Variants in TKT observed in about 807,000 individuals in gnomAD.
The protein encoded by TKT is epididymis luminal protein 107.
Under a neutral mutation model 63.9 loss-of-function variants are expected in TKT, and 47 were observed. The observed-to-expected ratio is 0.74, with a 90% confidence interval of 0.58 to 0.94. The LOEUF (loss-of-function observed/expected upper bound fraction) is 0.94. TKT is among the 40% of genes least tolerant of loss of function. The probability of loss-of-function intolerance (pLI) is 0.00; values close to 1 mark genes in which losing one functional copy is unlikely to be tolerated. For missense variants in TKT, 721 were observed against 846.2 expected (o/e 0.85, Z 1.84); for synonymous variants, 338 against 334.1 (o/e 1.01, Z -0.13).
intron 2 of TKT, chr3:53,241,775 T>G: frequency 3.1e-6 from 1 of 325,394 alleles, no homozygotes; most frequent in South Asian, 3.0e-5. Context: ...ATAGAGCAGG[T>G]AGGGAGCCAC....
At chr3:53,241,744 G>A (rs1447086949) in intron 2 of TKT, among the ~76,000 whole-genome samples, 10 of 152,190 alleles carry the variant, frequency 6.6e-5, no homozygotes, top group Admixed American at 5.2e-4. Context: ...CCGTGGCCTC[G>A]GGAGCGCTGG....
intron 1 of TKT, among the ~76,000 whole-genome samples, chr3:53,248,466 C>G (rs1241473505): frequency 6.6e-6 from 1 of 152,138 alleles, no homozygotes; most frequent in Non-Finnish European, 1.5e-5. Flanking sequence ...TACCCTGTCT[C>G]TACAAATAAT....
chr3:53,234,935 C>G, intron 5 of TKT, 48 bp downstream of exon 5: 1 of 1,538,424 alleles, frequency 6.5e-7, no homozygotes, highest in Non-Finnish European at 8.8e-7. Context: ...TGATCACAGA[C>G]CACTCTCCCG....
intron 2 of TKT, 67 bp from the exon 3 acceptor site, chr3:53,241,312 T>C (rs1481540970): frequency 6.4e-6 from 9 of 1,408,886 alleles, no homozygotes; most frequent in Non-Finnish European, 8.6e-6. Context: ...TGTGCCTACT[T>C]CACACTGACC....
intron 4 of TKT, 138 bp downstream of exon 4, chr3:53,240,113 G>T: frequency 1.3e-6 from 1 of 746,288 alleles, no homozygotes; most frequent in Non-Finnish European, 2.1e-6. Context: ...TGTTTAAAGA[G>T]CAAAAGAGGC....
chr3:53,227,070 C>G (rs782010171), intron 12 of TKT, 192 bp from the exon 13 acceptor site: 15 of 633,690 alleles, frequency 2.4e-5, no homozygotes, highest in Non-Finnish European at 3.9e-5. Flanking sequence ...ACCCCTTGCA[C>G]TGGGGCATCT....
Position 53,225,699 on chromosome 3 carries a change from C to T in TKT, c.*57G>A. Reference sequence around the variant, plus strand: ...CCCCTCCTCTCAGTACATCTTTGAGCACCTTTCCCAGAATCTCAGGAATGT... The same window carrying T: ...CCCCTCCTCTCAGTACATCTTTGAGTACCTTTCCCAGAATCTCAGGAATGT... On this transcript the variant is annotated 3_prime_UTR_variant, in exon 14 of 14. Transcript: ENST00000462138. 1 of 1,506,670 alleles carries T rather than the reference C, an allele frequency of 6.6e-7. No individual in the cohort carries two copies. Among genetic ancestry groups the T allele is most frequent in the South Asian group, 1.3e-5 (1 of 76,490 alleles). 93.3% of individuals were successfully genotyped at this position (1,506,670 alleles called of 1,614,324 possible).
Position 53,229,454 on chromosome 3 carries a change from A to G in TKT, c.1108-18T>C, listed in dbSNP as rs904378153. On this transcript the variant is annotated intron_variant, in intron 8 of 13. Transcript: ENST00000462138. ...ATGCTCACCTGGGGGCAGGTGGGAC[A>G]GGGTCAGCCCAAAGGGGCAGGCAGA... The G allele has an allele frequency of 3.1e-5, 50 of 1,593,694 alleles. No homozygotes were observed. Among genetic ancestry groups the G allele is most frequent in the Non-Finnish European group, 4.0e-5 (47 of 1,170,746 alleles).
intron 5 of TKT, chr3:53,233,957 T>G (rs1553677841): frequency 1.3e-5 from 2 of 151,804 alleles, no homozygotes; most frequent in Non-Finnish European, 2.9e-5. Flanking sequence ...GAAGGTGGAG[T>G]AAGTAACGTG....
chr3:53,251,153 G>A (rs1025229928), intron 1 of TKT, among the ~76,000 whole-genome samples: 7 of 152,230 alleles, frequency 4.6e-5, no homozygotes, highest in African/African-American at 1.7e-4. Context: ...AGCCAGGACT[G>A]GCCAGGCATT....
At position 53,228,283 on chromosome 3, in the gene TKT, T is replaced by A. The variant is rs782000881; in HGVS notation, c.1472A>T (p.Gln491Leu). ...GGCATGCGAGGCACTGACCTTGGCT[T>A]GTCCGACCTGGAAGTCCTCATTGTT... ...YNNNEDFQVG[Q>L]AKVVLKSKDD... Residue 491 changes from glutamine to leucine, a missense_variant, in exon 11 of 14, where the codon CAA becomes CTA. Transcript: ENST00000462138. 1 of 1,614,202 alleles carries A rather than the reference T, an allele frequency of 6.2e-7. No individual in the cohort carries two copies. The highest frequency in any genetic ancestry group is 1.1e-5 in the South Asian group (1 of 91,082).
chr3:53,255,071 G>A (rs1399308235), intron 1 of TKT, among the ~76,000 whole-genome samples: 1 of 152,140 alleles, frequency 6.6e-6, no homozygotes, highest in African/African-American at 2.4e-5. Flanking sequence ...TCCCGCCCCA[G>A]GTCAAATCTT....
intron 7 of TKT, among the ~76,000 whole-genome samples, chr3:53,231,089 TGA>T (rs1420380959): frequency 2.0e-5 from 3 of 152,080 alleles, no homozygotes; most frequent in Non-Finnish European, 4.4e-5. Flanking sequence ...AACTTGGGAG[TGA>T]GTCCTTGGCT....
At chr3:53,231,298 GCCACAGACTTGGGAAA>G in intron 7 of TKT, 43 bp downstream of exon 7, 1 of 1,582,906 alleles carries the variant, frequency 6.3e-7, no homozygotes, top group Non-Finnish European at 8.6e-7. Flanking sequence ...GTGTATCTGG[GCCACAGACTTGGGAAA>G]CCTGAGAACT....
At chr3:53,231,973 T>A in intron 6 of TKT, 1 of 255,874 alleles carries the variant, frequency 3.9e-6, no homozygotes, top group Non-Finnish European at 7.5e-6. Context: ...ACCCTGGCCA[T>A]CAGAAGGGGA....
At chr3:53,243,296 A>C (rs1705363727) in intron 1 of TKT, among the ~76,000 whole-genome samples, 1 of 152,096 alleles carries the variant, frequency 6.6e-6, no homozygotes, top group Non-Finnish European at 1.5e-5. Context: ...GCCTCAGGGC[A>C]CAGGCCTCCC....
intron 4 of TKT, among the ~76,000 whole-genome samples, chr3:53,238,720 C>G (rs557269751): frequency 1.3e-5 from 2 of 152,362 alleles, no homozygotes; most frequent in African/African-American, 4.8e-5. Context: ...CCCTCAGCCT[C>G]TCCAAGAGCA....
rs782092363 is a variant in TKT at position 53,230,612 on chromosome 3, G to A, written c.952C>T (p.Arg318Cys). ...GCCAGTGCCTGCCCGTAGGCCTTGC[G>A]GGTGGCTATCTGTGAGGAAGAGAGT... Reference protein sequence around the residue: ...SYKVGDKIATRKAYGQALAKL... With the variant: ...SYKVGDKIATCKAYGQALAKL... Residue 318 changes from arginine to cysteine, a missense_variant, in exon 8 of 14, where the codon CGC becomes TGC. Physicochemically the swap from Arg to Cys is radical, Grantham distance 180. Transcript: ENST00000462138. 3.4e-5 allele frequency: 55 copies of A among 1,614,076 alleles called. No homozygotes were observed. Among genetic ancestry groups the A allele is most frequent in the Non-Finnish European group, 4.4e-5 (52 of 1,180,048 alleles).
intron 12 of TKT, 123 bp from the exon 13 acceptor site, chr3:53,227,001 C>A: frequency 7.7e-7 from 1 of 1,299,892 alleles, no homozygotes; most frequent in South Asian, 1.5e-5. Flanking sequence ...GCGGGCCTGT[C>A]CCTGTCCCAG....
Sources: allele counts gnomAD v4.1 joint callset (sites outside exome capture counted in the v4.1 genomes callset), GRCh38; gene constraint gnomAD v4.1.1; transcripts MANE v1.5; gene names NCBI Gene and HGNC (gene_info 2026-07-23, HGNC 2026-07-21).